SCN11A: variants seen among roughly 807,000 people sequenced by gnomAD.
The protein encoded by SCN11A is sodium voltage-gated channel alpha subunit 11.
A neutral mutation model predicts 162.2 loss-of-function variants in SCN11A; 122 were observed. The ratio of observed to expected loss-of-function variants is 0.75; its 90% CI spans 0.65 to 0.87. The LOEUF (loss-of-function observed/expected upper bound fraction) is 0.87. Among genes scored for constraint, SCN11A ranks in the 40% least tolerant of loss-of-function variants. The pLI is 0.00. For missense variants in SCN11A, 2,015 were observed against 2,181.6 expected (o/e 0.92, Z 1.52); for synonymous variants, 758 against 751.5 (o/e 1.01, Z -0.14).
chr3:38,968,277 A>T (rs1227753503), intron 2 of SCN11A, among the ~76,000 whole-genome samples: 1 of 152,154 alleles, frequency 6.6e-6, no homozygotes, highest in Non-Finnish European at 1.5e-5. Context: ...TCATTCCCAG[A>T]TACAAAATTC....
At chr3:38,865,585 A>G (rs1191537566) in intron 27 of SCN11A, among the ~76,000 whole-genome samples, 1 of 151,420 alleles carries the variant, frequency 6.6e-6, no homozygotes, top group Non-Finnish European at 1.5e-5. Context: ...GGGGATTGAG[A>G]AATGCCTTTA....
chr3:38,858,771 T>C (rs2064915039), intron 28 of SCN11A, among the ~76,000 whole-genome samples: 1 of 152,008 alleles, frequency 6.6e-6, no homozygotes, highest in Admixed American at 6.6e-5. Flanking sequence ...ATATGATAGA[T>C]CACAAAACAA....
chr3:38,937,629 C>T (rs1441534085), intron 7 of SCN11A, among the ~76,000 whole-genome samples: 31 of 150,316 alleles, frequency 2.1e-4, no homozygotes, highest in African/African-American at 6.8e-4. Flanking sequence ...AAAATGCTCA[C>T]CATCACTGGC....
chr3:38,999,328 C>T (rs979015941), intron 2 of SCN11A, among the ~76,000 whole-genome samples: 9 of 152,006 alleles, frequency 5.9e-5, no homozygotes, highest in Admixed American at 5.9e-4. Flanking sequence ...TGCTTTTTTT[C>T]TAAAAAACAA....
At chr3:39,051,498 C>T (rs1177310882) in intron 1 of SCN11A, among the ~76,000 whole-genome samples, 2 of 152,124 alleles carry the variant, frequency 1.3e-5, no homozygotes, top group East Asian at 3.8e-4. Context: ...TTAATTTAAA[C>T]GGATTCTTTG....
At chr3:39,005,623 GCTGT>G (rs1489351337) in intron 2 of SCN11A, among the ~76,000 whole-genome samples, 1 of 152,158 alleles carries the variant, frequency 6.6e-6, no homozygotes, top group Non-Finnish European at 1.5e-5. Flanking sequence ...TGCCATGTGG[GCTGT>G]CTTTTTGCTT....
intron 2 of SCN11A, among the ~76,000 whole-genome samples, chr3:38,963,480 T>C (rs1236194388): frequency 6.9e-6 from 1 of 144,780 alleles, no homozygotes. Flanking sequence ...TGGAGATATA[T>C]ATATATGATG....
chr3:38,847,778 A>G (rs2064700916), intron 29 of SCN11A, 36 bp from the exon 30 acceptor site: 2 of 1,369,818 alleles, frequency 1.5e-6, no homozygotes, highest in Non-Finnish European at 2.0e-6. Context: ...AGTTTCCAGA[A>G]GGCACACTGG....
intron 24 of SCN11A, 48 bp downstream of exon 24, chr3:38,872,145 A>G (rs1339479514): frequency 1.8e-6 from 2 of 1,122,082 alleles, no homozygotes; most frequent in South Asian, 1.3e-5. Context: ...TGGTCTTTCC[A>G]CCTTTCTCTG....
intron 14 of SCN11A, among the ~76,000 whole-genome samples, chr3:38,906,229 C>A (rs2065790275): frequency 1.3e-5 from 2 of 152,112 alleles, no homozygotes; most frequent in Admixed American, 1.3e-4. Context: ...GTGGCTCTTG[C>A]CATCTTTACC....
At chr3:39,033,483 ATTGTTATTACTAT>A (rs1236176203) in intron 1 of SCN11A, among the ~76,000 whole-genome samples, 1 of 152,234 alleles carries the variant, frequency 6.6e-6, no homozygotes, top group Non-Finnish European at 1.5e-5. Flanking sequence ...TGAGAAAAGC[ATTGTTATTACTAT>A]TTTACAGATT....
chr3:38,875,527 G>A (rs552048768), intron 23 of SCN11A, among the ~76,000 whole-genome samples: 1 of 152,178 alleles, frequency 6.6e-6, no homozygotes, highest in African/African-American at 2.4e-5. Flanking sequence ...CAAAATCAAT[G>A]TACACAAATC....
chr3:38,899,239 T>C (rs2065655680), intron 17 of SCN11A, among the ~76,000 whole-genome samples: 1 of 152,208 alleles, frequency 6.6e-6, no homozygotes, highest in Non-Finnish European at 1.5e-5. Flanking sequence ...CACTGTACTG[T>C]GCATGTAGCC....
intron 7 of SCN11A, among the ~76,000 whole-genome samples, chr3:38,932,525 G>A (rs1057109547): frequency 2.0e-5 from 3 of 152,304 alleles, no homozygotes; most frequent in Non-Finnish European, 2.9e-5. Flanking sequence ...CCCCAATACT[G>A]CGCTTTTCCG....
chr3:38,904,275 A>C (rs2065755030), intron 15 of SCN11A, among the ~76,000 whole-genome samples, 172 bp from the exon 16 acceptor site: 1 of 152,196 alleles, frequency 6.6e-6, no homozygotes, highest in Admixed American at 6.5e-5. Context: ...TTAGTGCAGA[A>C]GAGACAATGT....
Position 38,950,078 on chromosome 3 carries a change from C to CCCCCCCCCCCCCCCCCCCCCCACCCCCCG in SCN11A, c.267+17_267+18insCGGGGGGTGGGGGGGGGGGGGGGGGGGGG, listed in dbSNP as rs1553644472. 1.4e-5 allele frequency: 2 copies of CCCCCCCCCCCCCCCCCCCCCCACCCCCCG among 139,974 alleles called. No homozygotes were observed. The highest frequency in any genetic ancestry group is 7.2e-5 in the African/African-American group (2 of 27,720). The allele number at this position is 139,974 out of a possible 1,614,324, so 8.7% of individuals were successfully genotyped here. On this transcript the variant is annotated intron_variant, in intron 5 of 29. Transcript: ENST00000302328. The stretch of plus-strand genomic sequence containing the variant: ...GAACACCCCCACCCCCACCCCCCCC[C>CCCCCCCCCCCCCCCCCCCCCCACCCCCCG]CCCGCCCAATGAAGTACCTTATGAT...
At chr3:39,011,986 A>G (rs115944290) in intron 2 of SCN11A, among the ~76,000 whole-genome samples, 2,463 of 152,350 alleles carry the variant, frequency 0.016, 43 homozygotes, top group Non-Finnish European at 0.025. Flanking sequence ...TTTAGAAAAG[A>G]AAAATAATAT....
At chr3:38,984,961 A>G (rs2030181686) in intron 2 of SCN11A, among the ~76,000 whole-genome samples, 1 of 142,144 alleles carries the variant, frequency 7.0e-6, no homozygotes. Context: ...TGAATGAGCA[A>G]GCATAGTAGG....
intron 2 of SCN11A, among the ~76,000 whole-genome samples, chr3:39,026,924 G>A (rs751192141): frequency 2.6e-5 from 4 of 152,090 alleles, no homozygotes; most frequent in Non-Finnish European, 5.9e-5. Flanking sequence ...GGGTCTTCAG[G>A]GCTTAGAAGA....
Sources: gnomAD v4.1 joint callset for allele counts (sites outside exome capture counted in the v4.1 genomes callset) on GRCh38, gnomAD v4.1.1 for gene constraint, MANE v1.5 for transcripts, NCBI Gene and HGNC (gene_info 2026-07-23, HGNC 2026-07-21) for gene names.